Variants in HMBOX1 observed in about 807,000 individuals in gnomAD.
HMBOX1 encodes the protein homeobox-containing protein 1.
Under a neutral mutation model 54.5 loss-of-function variants are expected in HMBOX1, and 14 were observed. That is an observed-to-expected ratio of 0.26 (90% CI 0.17 to 0.40). HMBOX1 has a LOEUF of 0.40. HMBOX1 is among the 10% of genes least tolerant of loss of function. The probability of loss-of-function intolerance (pLI) is 1.00; values close to 1 mark genes in which losing one functional copy is unlikely to be tolerated. For missense variants in HMBOX1, 332 were observed against 514.4 expected (o/e 0.65, Z 3.43); for synonymous variants, 160 against 181.0 (o/e 0.88, Z 0.93).
At chr8:28,916,411 G>T (rs1476013102) in intron 1 of HMBOX1, among the ~76,000 whole-genome samples, 2 of 152,142 alleles carry the variant, frequency 1.3e-5, no homozygotes, top group African/African-American at 4.8e-5. Context: ...TTTTTCTCCT[G>T]TGTTTTGTTC....
intron 1 of HMBOX1, among the ~76,000 whole-genome samples, chr8:28,957,428 G>A (rs557541489): frequency 6.6e-6 from 1 of 152,188 alleles, no homozygotes; most frequent in South Asian, 2.1e-4. Flanking sequence ...AGGAAATCGG[G>A]GCAAAGGTTG....
At chr8:28,989,974 T>C (rs145964685) in intron 4 of HMBOX1, among the ~76,000 whole-genome samples, 44 of 152,302 alleles carry the variant, frequency 2.9e-4, no homozygotes, top group African/African-American at 8.7e-4. Flanking sequence ...ATTGGTATTG[T>C]TTTTAATTTC....
intron 1 of HMBOX1, chr8:28,915,696 C>T (rs922700952): frequency 6.6e-5 from 10 of 151,824 alleles, no homozygotes; most frequent in African/African-American, 2.2e-4. Context: ...CCTTGGGCAA[C>T]TTGGGTGGTT....
At chr8:28,918,756 G>T (rs1173130045) in intron 1 of HMBOX1, among the ~76,000 whole-genome samples, 1 of 150,502 alleles carries the variant, frequency 6.6e-6, no homozygotes, top group Non-Finnish European at 1.5e-5. Flanking sequence ...TTTAACATAA[G>T]TATTTTAAAG....
At chr8:28,949,035 T>C (rs1173259088) in intron 1 of HMBOX1, among the ~76,000 whole-genome samples, 1 of 152,210 alleles carries the variant, frequency 6.6e-6, no homozygotes, top group Admixed American at 6.5e-5. Context: ...CTGTATTAGT[T>C]CTATGAGTAA....
intron 1 of HMBOX1, chr8:28,891,496 T>C (rs972342417): frequency 2.0e-5 from 3 of 152,238 alleles, no homozygotes; most frequent in Admixed American, 2.0e-4. Context: ...TAGGTAGAGG[T>C]ATCTTGTCTT....
chr8:29,048,819 A>G, intron 8 of HMBOX1, 135 bp from the exon 9 acceptor site: 4 of 672,792 alleles, frequency 5.9e-6, no homozygotes, highest in Non-Finnish European at 5.1e-6. Context: ...AGTCTAAAAG[A>G]AACAAATGTA....
intron 1 of HMBOX1, among the ~76,000 whole-genome samples, chr8:28,941,563 G>T (rs1305098444): frequency 1.3e-5 from 2 of 152,098 alleles, no homozygotes; most frequent in Admixed American, 1.3e-4. Flanking sequence ...GCTTAGAAAA[G>T]AAACATTTTA....
intron 1 of HMBOX1, among the ~76,000 whole-genome samples, chr8:28,957,949 G>A (rs1824775138): frequency 6.6e-6 from 1 of 152,124 alleles, no homozygotes; most frequent in African/African-American, 2.4e-5. Flanking sequence ...TAAATTGAAA[G>A]GAAAACCTTT....
intron 4 of HMBOX1, among the ~76,000 whole-genome samples, chr8:29,007,356 G>A (rs951058069): frequency 1.3e-5 from 2 of 152,044 alleles, no homozygotes; most frequent in African/African-American, 4.8e-5. Context: ...CTAGACTTTT[G>A]GTGAAAGCCG....
intron 2 of HMBOX1, among the ~76,000 whole-genome samples, chr8:28,968,010 C>G (rs923905304): frequency 6.6e-6 from 1 of 152,062 alleles, no homozygotes; most frequent in East Asian, 1.9e-4. Flanking sequence ...TAGATTTTTC[C>G]CTACTTATTT....
intron 8 of HMBOX1, 66 bp downstream of exon 8, chr8:29,047,519 T>A (rs574881729): frequency 1.2e-6 from 1 of 811,628 alleles, no homozygotes; most frequent in East Asian, 2.5e-5. Context: ...TATATTAAGA[T>A]TAACTTCAGT....
chr8:28,936,570 G>T (rs1820433888), intron 1 of HMBOX1, among the ~76,000 whole-genome samples: 1 of 151,996 alleles, frequency 6.6e-6, no homozygotes, highest in Non-Finnish European at 1.5e-5. Context: ...AGATAGTTAA[G>T]TGGTTCCCAA....
intron 1 of HMBOX1, among the ~76,000 whole-genome samples, chr8:28,927,105 C>T (rs1048457994): frequency 6.6e-6 from 1 of 152,104 alleles, no homozygotes; most frequent in Non-Finnish European, 1.5e-5. Flanking sequence ...TGAAAAATAA[C>T]TTATTTGTAC....
At chr8:29,033,266 C>T (rs898517655) in intron 6 of HMBOX1, among the ~76,000 whole-genome samples, 2 of 152,210 alleles carry the variant, frequency 1.3e-5, no homozygotes, top group Non-Finnish European at 2.9e-5. Flanking sequence ...TTAATTATGC[C>T]GGAAGTTGTA....
chr8:28,931,474 G>T (rs935176746), intron 1 of HMBOX1, among the ~76,000 whole-genome samples: 2 of 152,018 alleles, frequency 1.3e-5, no homozygotes, highest in Non-Finnish European at 2.9e-5. Context: ...TTAATAGGGA[G>T]CTTGATCTTT....
chr8:28,914,087 C>G (rs1290116738), intron 1 of HMBOX1, among the ~76,000 whole-genome samples: 1 of 152,016 alleles, frequency 6.6e-6, no homozygotes, highest in South Asian at 2.1e-4. Context: ...AGGCTGGTCT[C>G]GAACTCCTGA....
intron 2 of HMBOX1, among the ~76,000 whole-genome samples, chr8:28,965,116 A>G (rs1439787603): frequency 1.3e-5 from 2 of 152,254 alleles, no homozygotes; most frequent in African/African-American, 2.4e-5. Context: ...TGTAAGCATC[A>G]TGAAGCCATG....
chr8:29,043,644 G>A (rs1319642639), intron 6 of HMBOX1, among the ~76,000 whole-genome samples: 1 of 152,192 alleles, frequency 6.6e-6, no homozygotes, highest in East Asian at 1.9e-4. Flanking sequence ...GTGCATTTAG[G>A]TCACCTGGAA....
Sources: allele counts gnomAD v4.1 joint callset (sites outside exome capture counted in the v4.1 genomes callset), GRCh38; gene constraint gnomAD v4.1.1; transcripts MANE v1.5; gene names NCBI Gene and HGNC (gene_info 2026-07-23, HGNC 2026-07-21).